TMOD3: variants seen among roughly 807,000 people sequenced by gnomAD.
The protein encoded by TMOD3 is tropomodulin 3.
In TMOD3, 20 loss-of-function variants were observed where a neutral mutation model predicts 39.2. The observed-to-expected ratio is 0.51, with a 90% CI of 0.36 to 0.74. The LOEUF is 0.74. Among genes scored for constraint, TMOD3 ranks in the 30% least tolerant of loss-of-function variants. The pLI, the probability that TMOD3 is intolerant of heterozygous loss-of-function variation, is 0.00. For synonymous variants in TMOD3, 143 were observed against 145.8 expected (o/e 0.98, Z 0.14); for missense variants, 381 against 412.8 (o/e 0.92, Z 0.67).
rs112042445 is a variant in TMOD3, at chr15:51,837,797, A to G, written c.-75+7961A>G. ...CTGCTTTCCTTAGACATTGGCCAGCATTCCAAGTGATATAGTGTGCCCTCC... is the reference window on the plus strand; with the variant it reads ...CTGCTTTCCTTAGACATTGGCCAGCGTTCCAAGTGATATAGTGTGCCCTCC... On this transcript the variant is annotated intron_variant, in intron 1 of 9. Coordinates refer to ENST00000308580, the MANE Select transcript of TMOD3 (RefSeq NM_014547.5). Among the ~76,000 whole-genome samples the G allele has an allele frequency of 4.6e-5, 7 of 152,262 alleles. 1 individual carries two copies. The highest frequency in any genetic ancestry group is 1.4e-4 in the African/African-American group (6 of 41,536).
At chr15:51,871,675 G>A (rs781468943) in intron 3 of TMOD3, among the ~76,000 whole-genome samples, 4 of 152,136 alleles carry the variant, frequency 2.6e-5, no homozygotes, top group Non-Finnish European at 5.9e-5. Flanking sequence ...AAGCAGAGAA[G>A]AATTACGGAA....
At chr15:51,896,278 A>T in intron 6 of TMOD3, 141 bp from the exon 7 acceptor site, 1 of 595,074 alleles carries the variant, frequency 1.7e-6, no homozygotes, top group Non-Finnish European at 2.9e-6. Flanking sequence ...CATTATTTGT[A>T]TTCATTTGTA....
chr15:51,905,719 C>T (rs914644143), intron 9 of TMOD3, among the ~76,000 whole-genome samples: 1 of 151,978 alleles, frequency 6.6e-6, no homozygotes. Flanking sequence ...CTAATGGTGG[C>T]GTATTGACAA....
At chr15:51,849,421 A>T (rs1191562351) in intron 1 of TMOD3, among the ~76,000 whole-genome samples, 1 of 152,216 alleles carries the variant, frequency 6.6e-6, no homozygotes, top group Non-Finnish European at 1.5e-5. Context: ...TTTAAAAGTT[A>T]TCAGTGTATG....
intron 3 of TMOD3, among the ~76,000 whole-genome samples, chr15:51,874,826 A>G (rs1181833815): frequency 2.0e-5 from 3 of 151,970 alleles, no homozygotes; most frequent in Admixed American, 6.6e-5. Context: ...CTATACAGAG[A>G]TGTGCATTCT....
chr15:51,869,986 C>T (rs540856371), intron 3 of TMOD3, among the ~76,000 whole-genome samples: 11 of 152,032 alleles, frequency 7.2e-5, no homozygotes, highest in Admixed American at 1.3e-4. Context: ...TTGCCCAGGC[C>T]GGAGTGCAAT....
chr15:51,866,090 C>T (rs2554333), intron 2 of TMOD3, among the ~76,000 whole-genome samples: 7,482 of 152,128 alleles, frequency 0.049, 425 homozygotes, highest in African/African-American at 0.12. Context: ...TTGATTAGAA[C>T]ATATTTCTAA....
At chr15:51,843,367 G>T (rs896390259) in intron 1 of TMOD3, among the ~76,000 whole-genome samples, 4 of 152,152 alleles carry the variant, frequency 2.6e-5, no homozygotes, top group Non-Finnish European at 5.9e-5. Flanking sequence ...GATTCCTAGT[G>T]ATTCTTAGAG....
chr15:51,854,852 A>G (rs1473649088), intron 1 of TMOD3, among the ~76,000 whole-genome samples: 1 of 152,272 alleles, frequency 6.6e-6, no homozygotes, highest in East Asian at 1.9e-4. Flanking sequence ...TTATTCTTAT[A>G]GAAAGCTAAA....
chr15:51,886,995 G>C (rs1305562947), intron 3 of TMOD3, among the ~76,000 whole-genome samples: 1 of 151,952 alleles, frequency 6.6e-6, no homozygotes, highest in African/African-American at 2.4e-5. Context: ...AAGGCGAGTG[G>C]ATCACCTTAG....
In TMOD3 at chr15:51,875,819, T is replaced by C. The variant is rs572524112; in HGVS notation, c.283+6446T>C. On this transcript the variant is annotated intron_variant, in intron 3 of 9. Transcript: ENST00000308580. ...ATTTTTAGTAGAGACAGGGTTTCAC[T>C]GTGTTAGCCAGGATGTTCGCCATCT... 1.2e-4 allele frequency among the ~76,000 whole-genome samples: 18 copies of C among 152,024 alleles called. No individual in the cohort carries two copies. The East Asian group carries it at 3.3e-3, about 28-fold the overall frequency.
intron 1 of TMOD3, among the ~76,000 whole-genome samples, chr15:51,854,805 C>T (rs921418738): frequency 2.6e-5 from 4 of 152,032 alleles, no homozygotes; most frequent in African/African-American, 4.8e-5. Flanking sequence ...TTTAAGTGAT[C>T]CAGAGGATCT....
chr15:51,856,502 T>C (rs966440722), intron 1 of TMOD3, among the ~76,000 whole-genome samples: 3 of 152,106 alleles, frequency 2.0e-5, no homozygotes, highest in African/African-American at 7.2e-5. Context: ...GAAAAATACT[T>C]AGAAACGTTT....
At chr15:51,846,838 A>G (rs1440030443) in intron 1 of TMOD3, among the ~76,000 whole-genome samples, 1 of 152,204 alleles carries the variant, frequency 6.6e-6, no homozygotes, top group African/African-American at 2.4e-5. Flanking sequence ...ACAACTGGGA[A>G]AAAACATTTC....
chr15:51,841,097 CTTCATCTGTAAA>C (rs1415737705), intron 1 of TMOD3, among the ~76,000 whole-genome samples: 1 of 152,146 alleles, frequency 6.6e-6, no homozygotes, highest in Non-Finnish European at 1.5e-5. Flanking sequence ...GCTTCAGTTT[CTTCATCTGTAAA>C]TTGGAGATAG....
Position 51,862,952 on chromosome 15 carries a change from A to G in TMOD3, c.68A>G (p.Asn23Ser). ...KDLDEDELLG[N>S]LSETELKQLE... The stretch of plus-strand genomic sequence containing the variant: ...CTTGATGAAGATGAGCTCCTTGGGA[A>G]TCTGTCAGAAACAGAACTGAAACAA... The change falls in exon 2 of 10, where the codon AAT becomes AGT. Residue 23 changes from asparagine to serine, a missense_variant. By Grantham distance (46) the Asn-to-Ser change is conservative. Transcript: ENST00000308580. 1.2e-6 allele frequency: 2 copies of G among 1,614,106 alleles called. No individual in the cohort carries two copies. Among genetic ancestry groups the G allele is most frequent in the Non-Finnish European group, 1.7e-6 (2 of 1,179,950 alleles).
chr15:51,906,567 C>T (rs1296147489), intron 9 of TMOD3, among the ~76,000 whole-genome samples: 10 of 152,214 alleles, frequency 6.6e-5, no homozygotes, highest in Admixed American at 6.5e-4. Context: ...ACTATCTTTA[C>T]ACTAGTTAAC....
intron 5 of TMOD3, chr15:51,892,433 G>C (rs2056598307): frequency 6.6e-6 from 1 of 152,192 alleles, no homozygotes; most frequent in African/African-American, 2.4e-5. Context: ...AGGATTTCAG[G>C]TCCTCTGTCG....
At chr15:51,839,165 C>CTTTTTTTTTTTTTTTTTTTTTTTTT (rs60102349) in intron 1 of TMOD3, among the ~76,000 whole-genome samples, 6 of 108,982 alleles carry the variant, frequency 5.5e-5, no homozygotes, top group African/African-American at 1.2e-4. Flanking sequence ...GTGTATCTCT[C>CTTTTTTTTTTTTTTTTTTTTTTTTT]TTTTTTTTTT....
Sources: gnomAD v4.1 joint callset for allele counts (sites outside exome capture counted in the v4.1 genomes callset) on GRCh38, gnomAD v4.1.1 for gene constraint, MANE v1.5 for transcripts, NCBI Gene and HGNC (gene_info 2026-07-23, HGNC 2026-07-21) for gene names.